Variants in GRIP1 observed in about 807,000 individuals in gnomAD.
GRIP1 encodes glutamate receptor interacting protein 1.
GRIP1 carries 45 observed loss-of-function variants against 129.9 expected under a neutral mutation model. That is an observed-to-expected ratio of 0.35 (90% CI 0.27 to 0.44). The LOEUF is 0.44. Ranked by LOEUF, GRIP1 falls within the 20% of genes least tolerant of loss-of-function variation. GRIP1 has a pLI of 1.00. For missense variants in GRIP1, 1,196 were observed against 1,396.8 expected (o/e 0.86, Z 2.29); for synonymous variants, 530 against 520.8 (o/e 1.02, Z -0.24).
upstream of GRIP1, among the ~76,000 whole-genome samples, chr12:66,807,614 C>T (rs977532153): frequency 6.6e-6 from 1 of 151,942 alleles, no homozygotes; most frequent in Non-Finnish European, 1.5e-5. Flanking sequence ...GTGGAGCTTG[C>T]AGTGAGTAGA....
At chr12:66,525,561 C>A (rs950070809) in intron 5 of GRIP1, among the ~76,000 whole-genome samples, 89 of 151,404 alleles carry the variant, frequency 5.9e-4, no homozygotes, top group African/African-American at 1.5e-3. Flanking sequence ...ATGACAAACC[C>A]ACAGCCAATA....
chr12:66,386,457 AC>A (rs371614330), intron 19 of GRIP1, among the ~76,000 whole-genome samples: 11 of 152,038 alleles, frequency 7.2e-5, no homozygotes, highest in African/African-American at 2.7e-4. Flanking sequence ...ACACAGTGAA[AC>A]CCCATCTCTA....
At chr12:66,799,952 A>C (rs2038810965) in intron 1 of GRIP1, among the ~76,000 whole-genome samples, 2 of 152,184 alleles carry the variant, frequency 1.3e-5, no homozygotes, top group South Asian at 4.1e-4. Context: ...AAGAAAGTGA[A>C]GCACCCTTTT....
chr12:66,744,327 T>C lies in GRIP1; in HGVS notation c.-420+59726A>G, dbSNP rs927573379. On this transcript the variant is annotated intron_variant, in intron 1 of 4. Transcript: ENST00000538373. ...AGGCTTTCTCTTCCCTTTCACGCTTTCTCTAGTCATTACATTTTTTCTGCA... is the reference window on the plus strand; with the variant it reads ...AGGCTTTCTCTTCCCTTTCACGCTTCCTCTAGTCATTACATTTTTTCTGCA... Among the ~76,000 whole-genome samples, 3 of 152,152 alleles carry C rather than the reference T, an allele frequency of 2.0e-5. No homozygotes were observed. In the South Asian group the frequency reaches 6.2e-4, roughly 32 times the overall value.
chr12:67,007,210 C>G (rs941290763), intron 1 of GRIP1, among the ~76,000 whole-genome samples: 1 of 152,080 alleles, frequency 6.6e-6, no homozygotes, highest in Non-Finnish European at 1.5e-5. Flanking sequence ...GATTTTCTTC[C>G]TGTTGTCACA....
intron 5 of GRIP1, among the ~76,000 whole-genome samples, chr12:66,528,133 G>C: frequency 1.6e-5 from 1 of 63,686 alleles, no homozygotes; most frequent in South Asian, 6.7e-4. Context: ...AGAATTAGTA[G>C]GTTTTTTTTT....
upstream of GRIP1, among the ~76,000 whole-genome samples, chr12:66,682,027 A>G (rs1255240693): frequency 1.8e-4 from 28 of 152,180 alleles, no homozygotes; most frequent in Non-Finnish European, 2.9e-5. Context: ...TTTTCATCAA[A>G]GTCATTCAGC....
At chr12:66,408,635 G>A (rs2057281943) in intron 15 of GRIP1, among the ~76,000 whole-genome samples, 1 of 152,076 alleles carries the variant, frequency 6.6e-6, no homozygotes, top group South Asian at 2.1e-4. Flanking sequence ...GGCTGTTTCT[G>A]CTTGAGAAAA....
At position 66,667,292 on chromosome 12, in the gene GRIP1, T is replaced by C. The variant is rs569517220; in HGVS notation, c.55+11558A>G. On this transcript the variant is annotated intron_variant, in intron 1 of 24. Transcript: ENST00000359742. The stretch of plus-strand genomic sequence containing the variant: ...ATAGTTTTATATTCTGTGAATTCTG[T>C]ATATTTCTCTTTTGCTCCCTTGTCA... Among the ~76,000 whole-genome samples, 6 of 152,326 alleles carry C rather than the reference T, an allele frequency of 3.9e-5. No individual in the cohort carries two copies. In the East Asian group the frequency reaches 7.7e-4, roughly 20 times the overall value.
chr12:67,029,424 T>TC (rs2042987858), intron 1 of GRIP1, among the ~76,000 whole-genome samples: 2 of 152,018 alleles, frequency 1.3e-5, no homozygotes, highest in African/African-American at 4.8e-5. Flanking sequence ...AAAAAATTTT[T>TC]TAAAACTGGT....
intron 1 of GRIP1, among the ~76,000 whole-genome samples, chr12:66,883,398 TA>T (rs2040512716): frequency 2.0e-5 from 3 of 152,248 alleles, no homozygotes; most frequent in South Asian, 4.2e-4. Context: ...TGGTGCTCAA[TA>T]AATCTATATT....
intron 4 of GRIP1, among the ~76,000 whole-genome samples, chr12:66,531,037 C>G (rs1016151257): frequency 5.9e-4 from 90 of 151,738 alleles, no homozygotes; most frequent in Non-Finnish European, 7.8e-4. Context: ...GAATTCAAGG[C>G]CAGCCTGGCT....
intron 22 of GRIP1, among the ~76,000 whole-genome samples, chr12:66,375,286 A>C (rs991285093): frequency 6.6e-6 from 1 of 152,168 alleles, no homozygotes; most frequent in Non-Finnish European, 1.5e-5. Flanking sequence ...TTCGGTGCTA[A>C]AGTTGAACCT....
chr12:66,886,042 C>A (rs1481706256), intron 1 of GRIP1, among the ~76,000 whole-genome samples: 1 of 152,152 alleles, frequency 6.6e-6, no homozygotes, highest in African/African-American at 2.4e-5. Context: ...TTGGGTGGAT[C>A]ACTTGAGGTC....
intron 1 of GRIP1, among the ~76,000 whole-genome samples, chr12:66,639,695 T>A (rs1220361571): frequency 6.6e-6 from 1 of 152,214 alleles, no homozygotes; most frequent in Non-Finnish European, 1.5e-5. Flanking sequence ...AATTTTTGAA[T>A]CTTCTAGTTA....
intron 1 of GRIP1, among the ~76,000 whole-genome samples, chr12:67,057,135 C>T (rs1031062582): frequency 6.6e-6 from 1 of 151,954 alleles, no homozygotes; most frequent in Non-Finnish European, 1.5e-5. Flanking sequence ...GTTTATGTGG[C>T]CCCCAAATTC....
chr12:66,595,256 T>C (rs1354769442), intron 2 of GRIP1, among the ~76,000 whole-genome samples: 1 of 152,210 alleles, frequency 6.6e-6, no homozygotes, highest in African/African-American at 2.4e-5. Context: ...TGAAAAATAA[T>C]GTGTGCCACA....
intron 1 of GRIP1, among the ~76,000 whole-genome samples, chr12:66,997,662 T>C (rs74903297): frequency 2.0e-5 from 3 of 152,108 alleles, no homozygotes; most frequent in East Asian, 3.9e-4. Flanking sequence ...GAATAATGGA[T>C]ATTGTTGACG....
At chr12:66,977,524 C>A (rs1397316951) in intron 1 of GRIP1, among the ~76,000 whole-genome samples, 1 of 152,096 alleles carries the variant, frequency 6.6e-6, no homozygotes, top group South Asian at 2.1e-4. Context: ...GGAACTGGCA[C>A]ACTACCAGAA....
Sources: gnomAD v4.1 joint callset for allele counts (sites outside exome capture counted in the v4.1 genomes callset) on GRCh38, gnomAD v4.1.1 for gene constraint, MANE v1.5 for transcripts, NCBI Gene and HGNC (gene_info 2026-07-23, HGNC 2026-07-21) for gene names.